The following IRF2BP1 variants were observed in gnomAD, a reference collection of about 807,000 sequenced individuals.
The protein encoded by IRF2BP1 is interferon regulatory factor 2-binding protein 1.
In IRF2BP1, 9 loss-of-function variants were observed where a neutral mutation model predicts 38.6. The observed-to-expected ratio is 0.23, with a 90% CI of 0.14 to 0.41. The LOEUF (loss-of-function observed/expected upper bound fraction) is 0.41. Among genes scored for constraint, IRF2BP1 ranks in the 10% least tolerant of loss-of-function variants. The pLI, the probability that IRF2BP1 is intolerant of heterozygous loss-of-function variation, is 1.00. For synonymous variants in IRF2BP1, 416 were observed against 383.4 expected, an observed-to-expected ratio of 1.08 and a Z score of -0.99; for missense variants, 631 against 829.6, an observed-to-expected ratio of 0.76 and a Z score of 2.94.
chr19:45,884,678 G>T lies in IRF2BP1; in HGVS notation c.1097C>A (p.Pro366His). Residue 366 changes from proline (P) to histidine (H), a missense_variant, in exon 1 of 1, where the codon CCC (proline) becomes CAC (histidine). Physicochemically the swap from Pro to His is moderately conservative, Grantham distance 77. Coordinates refer to ENST00000302165, the MANE Select transcript of IRF2BP1 (RefSeq NM_015649.3). ...EPAPAALCGP[P>H]PRAPSRNLAP... ...CAGGTTCCGGGATGGGGCTCGCGGG[G>T]GTGGGCCACAGAGAGCCGCAGGGGC... The T allele has an allele frequency of 1.2e-6, 2 of 1,604,602 alleles. No individual in the cohort carries two copies. The highest frequency in any genetic ancestry group is 1.1e-5 in the South Asian group (1 of 90,792).
In IRF2BP1 at chr19:45,884,008, G is replaced by C. The variant is rs1247943774; in HGVS notation, c.*12C>G. ...AAGGGGCAGAGGGCAGTAGCCTGGA[G>C]GCAGTGGTAGCCTAGGGGTCCCGTT... is the stretch of plus-strand genomic sequence containing the variant. On this transcript the variant is annotated 3_prime_UTR_variant, in exon 1 of 1. Transcript: ENST00000302165. The C allele has an allele frequency of 1.3e-6, 2 of 1,548,168 alleles. No homozygotes were observed. Among genetic ancestry groups the C allele is most frequent in the East Asian group, 4.6e-5 (2 of 43,950 alleles).
In IRF2BP1 at chr19:45,886,111, GGCC is replaced by G. The variant is rs1238025261; in HGVS notation, c.-340_-338del. The G allele has an allele frequency of 1.0e-5, 2 of 195,692 alleles. No individual in the cohort carries two copies. The highest frequency in any genetic ancestry group is 1.0e-5 in the Non-Finnish European group (1 of 96,664). The allele number at this position is 195,692 out of a possible 1,614,324, so 12.1% of individuals were successfully genotyped here. On this transcript the variant is annotated 5_prime_UTR_variant, in exon 1 of 1. Transcript: ENST00000302165. ...CCGCTCTCGCCGCCGCCGCTGCAAC[GGCC>G]GCCGCCGCCTCCACCTCCTTCTTCT...
Position 45,884,350 on chromosome 19 carries a change from T to A in IRF2BP1, c.1425A>T (p.Ala475=), listed in dbSNP as rs1967026905. 1 of 1,608,888 alleles carries A rather than the reference T, an allele frequency of 6.2e-7. No individual in the cohort carries two copies. Among genetic ancestry groups the A allele is most frequent in the South Asian group, 1.1e-5 (1 of 90,892 alleles). The change falls in exon 1 of 1, where the codon GCA becomes GCT. Residue 475 remains alanine (A), a synonymous_variant. Coordinates refer to ENST00000302165, the MANE Select transcript of IRF2BP1 (RefSeq NM_015649.3). The part of the protein sequence containing the change: ...QHRLVARNGE[A]EVSPTAGAEA... The stretch of plus-strand genomic sequence containing the variant: ...CGGCCCCCGCTGTGGGACTGACTTC[T>A]GCTTCGCCGTTGCGGGCCACAAGGC...
In IRF2BP1 at chr19:45,886,092, TCGC is replaced by T; in HGVS notation, c.-321_-319del. On this transcript the variant is annotated 5_prime_UTR_variant, in exon 1 of 1. Coordinates refer to ENST00000302165, the MANE Select transcript of IRF2BP1 (RefSeq NM_015649.3). ...CCGCCGCCTCGGGCTCCCGCCGCTC[TCGC>T]CGCCGCCGCTGCAACGGCCGCCGCC... The T allele has an allele frequency of 2.7e-5, 6 of 222,858 alleles. No individual in the cohort carries two copies. Among genetic ancestry groups the T allele is most frequent in the East Asian group, 9.4e-5 (1 of 10,650 alleles). 13.8% of individuals were successfully genotyped at this position (222,858 alleles called of 1,614,324 possible).
Position 45,885,406 on chromosome 19 carries a change from C to T in IRF2BP1, c.369G>A (p.Leu123=). 6.3e-7 allele frequency: 1 copy of T among 1,591,630 alleles called. No individual in the cohort carries two copies. Among genetic ancestry groups the T allele is most frequent in the Non-Finnish European group, 8.6e-7 (1 of 1,169,466 alleles). Residue 123 remains leucine (L), a synonymous_variant, in exon 1 of 1, where the codon CTG becomes CTA. Coordinates refer to ENST00000302165, the MANE Select transcript of IRF2BP1 (RefSeq NM_015649.3). ...DRATSSGRLP[L]PSPALEYTLG... ...GAGTGTACTCCAGGGCGGGCGAGGG[C>T]AGGGGGAGGCGGCCTGATGATGTGG...
rs1967043122 is a variant in IRF2BP1 at position 45,885,473 on chromosome 19, C to T, written c.302G>A (p.Gly101Glu). The change falls in exon 1 of 1, where the codon GGG becomes GAG. Residue 101 changes from glycine to glutamate, a missense_variant. Transcript: ENST00000302165. Reference sequence around the variant, plus strand: ...CTGGCCCGACACGCCGCCGCCGGTCCCTGACGGCTGGGGCTGGGCCTGCGG... The same window carrying T: ...CTGGCCCGACACGCCGCCGCCGGTCTCTGACGGCTGGGGCTGGGCCTGCGG... ...PPPQAQPQPS[G>E]TGGGVSGQDR... The T allele has an allele frequency of 1.4e-6, 2 of 1,481,434 alleles. No homozygotes were observed. The highest frequency in any genetic ancestry group is 2.2e-4 in the Middle Eastern group (1 of 4,602). The allele number at this position is 1,481,434 out of a possible 1,614,324, so 91.8% of individuals were successfully genotyped here.
rs541129993 is a variant in IRF2BP1, at chr19:45,885,313, C to G, written c.462G>C (p.Leu154Phe). Residue 154 changes from leucine (L) to phenylalanine (F), a missense_variant, in exon 1 of 1, where the codon TTG becomes TTC. Physicochemically the swap from Leu to Phe is conservative, Grantham distance 22. Around this residue, in one of 5 missense-constraint regions of IRF2BP1, gnomAD observed 206 missense variants for 207.0 expected, o/e 1.00. Transcript: ENST00000302165. The stretch of plus-strand genomic sequence containing the variant: ...GCATCAAGCCAGGCATGGAGCCAAG[C>G]AAGGCCCTTCGCGCCCCCTCAGCCA... ...EAVAEGARRA[L>F]LGSMPGLMPP... 1 of 1,605,274 alleles carries G rather than the reference C, an allele frequency of 6.2e-7. No individual in the cohort carries two copies. Among genetic ancestry groups the G allele is most frequent in the Non-Finnish European group, 8.5e-7 (1 of 1,179,838 alleles).
Position 45,885,166 on chromosome 19 carries a change from C to A in IRF2BP1, c.609G>T (p.Arg203Ser), listed in dbSNP as rs766360271. The A allele has an allele frequency of 5.6e-6, 9 of 1,610,296 alleles. No homozygotes were observed. In the Admixed American group the frequency reaches 1.5e-4, roughly 27 times the overall value. ...TCAGTTCTGCCAGACAGTCCGCATTCCTCTGCTGCTTCTCTTTCTCGAAAT... is the reference window on the plus strand; with the variant it reads ...TCAGTTCTGCCAGACAGTCCGCATTACTCTGCTGCTTCTCTTTCTCGAAAT... ...GSDFEKEKQQ[R>S]NADCLAELNE... is the part of the protein sequence containing the mutation. The change falls in exon 1 of 1, where the codon AGG becomes AGT. Residue 203 changes from arginine to serine, a missense_variant. By Grantham distance (110) the Arg-to-Ser change is moderately radical (BLOSUM62 -1). This residue lies in a region of IRF2BP1 where 133 missense variants were observed against 232.2 expected (regional missense o/e 0.57). Coordinates refer to ENST00000302165, the MANE Select transcript of IRF2BP1 (RefSeq NM_015649.3).
chr19:45,884,185 G>A lies in IRF2BP1; in HGVS notation c.1590C>T (p.Cys530=), dbSNP rs1967024159. 1.9e-6 allele frequency: 3 copies of A among 1,612,648 alleles called. No individual in the cohort carries two copies. Among genetic ancestry groups the A allele is most frequent in the Non-Finnish European group, 2.5e-6 (3 of 1,179,846 alleles). Residue 530 remains cysteine, a synonymous_variant, in exon 1 of 1, where the codon TGC becomes TGT. Transcript: ENST00000302165. ...CCTGCGCCTTGATGAACTCCCGGGA[G>A]CAGGGAAAGCAGAACTTGTGTCCGG... ...SVPGHKFCFP[C]SREFIKAQGP...
rs777641440 is a variant in IRF2BP1, at chr19:45,885,052, C to A, written c.723G>T (p.Pro241=). The A allele has an allele frequency of 2.5e-6, 4 of 1,613,032 alleles. No homozygotes were observed. The highest frequency in any genetic ancestry group is 2.2e-5 in the South Asian group (2 of 91,090). ...GATCCTTCTTGAAGCGCACATTGAA[C>A]GGGGCGCAGGCGGACAGCGCCAGTA... is the stretch of plus-strand genomic sequence containing the variant. The part of the protein sequence containing the change: ...EQLLALSACA[P]FNVRFKKDHG... Residue 241 remains proline (P), a synonymous_variant, in exon 1 of 1, where the codon CCG becomes CCT. Transcript: ENST00000302165.
At position 45,885,785 on chromosome 19, in the gene IRF2BP1, C is replaced by A; in HGVS notation, c.-11G>T. 2 of 1,531,676 alleles carry A rather than the reference C, an allele frequency of 1.3e-6. No individual in the cohort carries two copies. The highest frequency in any genetic ancestry group is 2.7e-5 in the East Asian group (1 of 36,886). 94.9% of individuals were successfully genotyped at this position (1,531,676 alleles called of 1,614,324 possible). ...CTGCACAGACGCCATGGCCCCAGTC[C>A]GCGCGCCGCCCAGCTCCCGCGTTCC... On this transcript the variant is annotated 5_prime_UTR_variant, in exon 1 of 1. Coordinates refer to ENST00000302165, the MANE Select transcript of IRF2BP1 (RefSeq NM_015649.3).
rs1050308447 is a variant in IRF2BP1 at position 45,886,062 on chromosome 19, G to T, written c.-288C>A. On this transcript the variant is annotated 5_prime_UTR_variant, in exon 1 of 1. Coordinates refer to ENST00000302165, the MANE Select transcript of IRF2BP1 (RefSeq NM_015649.3). ...CAGCTCGGGCCCCACGATGGGCCGC[G>T]AGCGCCGCCGCCTCGGGCTCCCGCC... 3.6e-6 allele frequency: 1 copy of T among 276,074 alleles called. No individual in the cohort carries two copies. The highest frequency in any genetic ancestry group is 6.8e-6 in the Non-Finnish European group (1 of 147,590). 17.1% of individuals were successfully genotyped at this position (276,074 alleles called of 1,614,324 possible).
rs1568637830 is a variant in IRF2BP1 at position 45,884,266 on chromosome 19, ACAG to A, written c.1506_1508del (p.Cys503del). On this transcript the variant is annotated inframe_deletion, in exon 1 of 1. Transcript: ENST00000302165. ...CTTCTAGCCGCTCCCTGCACAGGGT[ACAG>A]CACAGGGGGGCCCCAGGGGTCGCCC... is the stretch of plus-strand genomic sequence containing the variant. The A allele has an allele frequency of 1.2e-6, 2 of 1,610,258 alleles. No individual in the cohort carries two copies. Among genetic ancestry groups the A allele is most frequent in the South Asian group, 2.2e-5 (2 of 90,724 alleles).
chr19:45,884,260 C>T lies in IRF2BP1; in HGVS notation c.1515G>A (p.Leu505=). The change falls in exon 1 of 1, where the codon CTG becomes CTA. Residue 505 remains leucine, a synonymous_variant. Transcript: ENST00000302165. ...ATPGAPLCCT[L]CRERLEDTHF... ...GGGTGTCTTCTAGCCGCTCCCTGCA[C>T]AGGGTACAGCACAGGGGGGCCCCAG... 1.2e-6 allele frequency: 2 copies of T among 1,609,414 alleles called. No individual in the cohort carries two copies. The highest frequency in any genetic ancestry group is 2.2e-5 in the East Asian group (1 of 44,792).
In IRF2BP1 at chr19:45,883,848, C is replaced by T. The variant is rs1967019411; in HGVS notation, c.*172G>A. 3.5e-6 allele frequency: 2 copies of T among 578,606 alleles called. No homozygotes were observed. The highest frequency in any genetic ancestry group is 6.9e-5 in the Admixed American group (2 of 29,110). The allele number at this position is 578,606 out of a possible 1,614,324, so 35.8% of individuals were successfully genotyped here. A position where few individuals can be genotyped will look rare whatever the true frequency, so the allele number is the denominator to read the frequency against. Reference sequence around the variant, plus strand: ...CACCCCCTCGGACAGGAGCCACAAGCTTTCTCCCCCCACCCACAATGCATC... The same window carrying T: ...CACCCCCTCGGACAGGAGCCACAAGTTTTCTCCCCCCACCCACAATGCATC... On this transcript the variant is annotated 3_prime_UTR_variant, in exon 1 of 1. Transcript: ENST00000302165.
Position 45,884,748 on chromosome 19 carries a change from C to T in IRF2BP1, c.1027G>A (p.Glu343Lys). 3 of 1,611,798 alleles carry T rather than the reference C, an allele frequency of 1.9e-6. No homozygotes were observed. Residue 343 changes from glutamate to lysine, a missense_variant, in exon 1 of 1, where the codon GAG (glutamate) becomes AAG (lysine). This residue lies in a region of IRF2BP1 where 133 missense variants were observed against 232.2 expected (regional missense o/e 0.57). Coordinates refer to ENST00000302165, the MANE Select transcript of IRF2BP1 (RefSeq NM_015649.3). Reference protein sequence around the residue: ...LLTDGVRSFREPAPAEALPQQ... With the variant: ...LLTDGVRSFRKPAPAEALPQQ... ...GGCAGGGCCTCCGCGGGAGCTGGCT[C>T]GCGGAAGCTGCGGACGCCGTCGGTA...
At position 45,885,435 on chromosome 19, in the gene IRF2BP1, T is replaced by A. The variant is rs1419033363; in HGVS notation, c.340A>T (p.Arg114Trp). Residue 114 changes from arginine (R) to tryptophan (W), a missense_variant, in exon 1 of 1, where the codon AGG (arginine) becomes TGG (tryptophan). Arg to Trp is a moderately radical substitution (Grantham distance 101). Coordinates refer to ENST00000302165, the MANE Select transcript of IRF2BP1 (RefSeq NM_015649.3). ...GGVSGQDRYDRATSSGRLPLP... is the reference protein window; with the variant it reads ...GGVSGQDRYDWATSSGRLPLP... ...GGGAGGCGGCCTGATGATGTGGCCC[T>A]GTCATAGCGGTCCTGGCCCGACACG... 1.9e-6 allele frequency: 3 copies of A among 1,558,804 alleles called. No individual in the cohort carries two copies. Among genetic ancestry groups the A allele is most frequent in the Admixed American group, 3.6e-5 (2 of 55,218 alleles).
chr19:45,883,975 G>A lies in IRF2BP1; in HGVS notation c.*45C>T. ...GGAATAATTTATCCGCGGCAGCGGT[G>A]GGTGGCAAAGGGGCAGAGGGCAGTA... On this transcript the variant is annotated 3_prime_UTR_variant, in exon 1 of 1. Coordinates refer to ENST00000302165, the MANE Select transcript of IRF2BP1 (RefSeq NM_015649.3). 1 of 1,489,938 alleles carries A rather than the reference G, an allele frequency of 6.7e-7. No individual in the cohort carries two copies. Among genetic ancestry groups the A allele is most frequent in the Non-Finnish European group, 9.0e-7 (1 of 1,111,374 alleles). The allele number at this position is 1,489,938 out of a possible 1,614,324, so 92.3% of individuals were successfully genotyped here. A position where few individuals can be genotyped will look rare whatever the true frequency, so the allele number is the denominator to read the frequency against.
chr19:45,884,656 G>T lies in IRF2BP1; in HGVS notation c.1119C>A (p.Asn373Lys). ...CGPPPRAPSRNLAPTPRRRKA... is the reference protein window; with the variant it reads ...CGPPPRAPSRKLAPTPRRRKA... The stretch of plus-strand genomic sequence containing the variant: ...TGCGACGGCGCGGCGTGGGCGCCAG[G>T]TTCCGGGATGGGGCTCGCGGGGGTG... The change falls in exon 1 of 1, where the codon AAC becomes AAA. Residue 373 changes from asparagine (N) to lysine (K), a missense_variant. Around this residue, in one of 5 missense-constraint regions of IRF2BP1, gnomAD observed 201 missense variants for 215.3 expected, o/e 0.93. Coordinates refer to ENST00000302165, the MANE Select transcript of IRF2BP1 (RefSeq NM_015649.3). 1 of 1,601,924 alleles carries T rather than the reference G, an allele frequency of 6.2e-7. No individual in the cohort carries two copies. The highest frequency in any genetic ancestry group is 1.3e-5 in the African/African-American group (1 of 74,902).
Sources: gnomAD v4.1 joint callset for allele counts on GRCh38, gnomAD v4.1.1 for gene constraint, gnomAD v4.1.1 regional missense constraint, MANE v1.5 for transcripts, NCBI Gene and HGNC (gene_info 2026-07-23, HGNC 2026-07-21) for gene names.